Variants in PDLIM4 observed in about 807,000 individuals in gnomAD.
PDLIM4 encodes PDZ and LIM domain 4, also known as PDZ and LIM domain protein 4.
PDLIM4 carries 19 observed loss-of-function variants against 31.3 expected under a neutral mutation model. The observed-to-expected ratio is 0.61, with a 90% CI of 0.42 to 0.89. The LOEUF is 0.89. Among genes scored for constraint, PDLIM4 ranks in the 40% least tolerant of loss-of-function variants. PDLIM4 has a pLI of 0.00. For missense variants in PDLIM4, 442 were observed against 461.1 expected, an observed-to-expected ratio of 0.96 and a Z score of 0.38; for synonymous variants, 176 against 190.1, an observed-to-expected ratio of 0.93 and a Z score of 0.61.
Position 132,272,889 on chromosome 5 carries a change from C to T in PDLIM4, c.*660C>T, listed in dbSNP as rs1461287317. The T allele has an allele frequency of 2.0e-5, 3 of 152,594 alleles. No homozygotes were observed. The highest frequency in any genetic ancestry group is 7.2e-5 in the African/African-American group (3 of 41,418). The allele number at this position is 152,594 out of a possible 1,614,324, so 9.5% of individuals were successfully genotyped here. A position where few individuals can be genotyped will look rare whatever the true frequency, so the allele number is the denominator to read the frequency against. On this transcript the variant is annotated 3_prime_UTR_variant, in exon 7 of 7. Transcript: ENST00000253754. ...CGAGCACTTTATTCTCCTCCGAGAC[C>T]CCCTTTTCTTCCCCTTCCTCTCTCC... is the stretch of plus-strand genomic sequence containing the variant.
At chr5:132,268,096 G>T (rs1379161128) in intron 3 of PDLIM4, among the ~76,000 whole-genome samples, 1 of 152,174 alleles carries the variant, frequency 6.6e-6, no homozygotes, top group Non-Finnish European at 1.5e-5. Flanking sequence ...CTGTAGAGCA[G>T]CTCCCCCTGC....
intron 1 of PDLIM4, among the ~76,000 whole-genome samples, chr5:132,261,762 C>T (rs1756378158): frequency 6.6e-6 from 1 of 152,162 alleles, no homozygotes; most frequent in African/African-American, 2.4e-5. Flanking sequence ...GAGTTCCTGT[C>T]CTGCAGGGGA....
At chr5:132,265,406 C>T (rs549016509) in intron 2 of PDLIM4, among the ~76,000 whole-genome samples, 8 of 152,264 alleles carry the variant, frequency 5.3e-5, no homozygotes, top group African/African-American at 1.4e-4. Context: ...TTAGGGTACC[C>T]ACTTGGGAGC....
At position 132,271,326 on chromosome 5, in the gene PDLIM4, C is replaced by T. The variant is rs757289852; in HGVS notation, c.530C>T (p.Pro177Leu). 5.0e-6 allele frequency: 8 copies of T among 1,597,374 alleles called. No homozygotes were observed. Among genetic ancestry groups the T allele is most frequent in the South Asian group, 1.1e-5 (1 of 90,846 alleles). ...AGCGCTGACCCAGCCAGAGGCCTCC[C>T]GCGGAGCCGGGACTGCAGAGTCGAC... ...PPSADPARGLPRSRDCRVDLG... is the reference protein window; with the variant it reads ...PPSADPARGLLRSRDCRVDLG... Residue 177 changes from proline (P) to leucine (L), a missense_variant, in exon 5 of 7, where the codon CCG becomes CTG. Pro to Leu is a moderately conservative substitution (Grantham distance 98). Coordinates refer to ENST00000253754, the MANE Select transcript of PDLIM4 (RefSeq NM_003687.4).
chr5:132,272,149 C>T lies in PDLIM4; in HGVS notation c.913C>T (p.His305Tyr). 6.2e-7 allele frequency: 1 copy of T among 1,614,238 alleles called. No homozygotes were observed. The highest frequency in any genetic ancestry group is 2.2e-5 in the East Asian group (1 of 44,884). ...GGACGAGCGGCTCTACTGTGAGAGC[C>T]ACGCCAAGGCGCGCGTGAAGCCGCC... ...FLDERLYCES[H>Y]AKARVKPPEG... Residue 305 changes from histidine (H) to tyrosine (Y), a missense_variant, in exon 7 of 7, where the codon CAC becomes TAC. By Grantham distance (83) the His-to-Tyr change is moderately conservative (BLOSUM62 2). Coordinates refer to ENST00000253754, the MANE Select transcript of PDLIM4 (RefSeq NM_003687.4).
intron 3 of PDLIM4, chr5:132,270,558 G>T (rs1417040071): frequency 3.2e-6 from 1 of 310,218 alleles, no homozygotes; most frequent in African/African-American, 2.1e-5. Context: ...CTCTGCTGTA[G>T]CCACACAGAC....
chr5:132,263,677 T>C (rs932019), intron 2 of PDLIM4, among the ~76,000 whole-genome samples: 90,883 of 152,036 alleles, frequency 0.6, 27,852 homozygotes, highest in Non-Finnish European at 0.64. Flanking sequence ...GCTGAGGGGA[T>C]TTCCATGACC....
chr5:132,271,966 G>T (rs1002864280), intron 6 of PDLIM4, 58 bp downstream of exon 6: 15 of 1,593,356 alleles, frequency 9.4e-6, no homozygotes, highest in African/African-American at 1.3e-5. Flanking sequence ...CCCTGGATGC[G>T]GGCGCAGTCG....
rs941917547 is a variant in PDLIM4 at position 132,271,086 on chromosome 5, C to A, written c.499C>A (p.Pro167Thr). Residue 167 changes from proline (P) to threonine (T), a missense_variant, in exon 4 of 7, where the codon CCC becomes ACC. By Grantham distance (38) the Pro-to-Thr change is conservative (BLOSUM62 -1). Transcript: ENST00000253754. ...AQMSTLHVSP[P>T]PSADPARGLP... ...GATGAGCACCCTGCATGTGTCTCCA[C>A]CCCCCAGGTAGCACAGAGATGCCTT... The A allele has an allele frequency of 6.2e-7, 1 of 1,612,788 alleles. No homozygotes were observed. The highest frequency in any genetic ancestry group is 8.5e-7 in the Non-Finnish European group (1 of 1,178,920).
At position 132,271,777 on chromosome 5, in the gene PDLIM4, G is replaced by T; in HGVS notation, c.671-14G>T. The stretch of plus-strand genomic sequence containing the variant: ...TCCTCACCCCGTTCATGCCACCTAC[G>T]CTCCGGGTTTCAGGGGATTGGCCCG... On this transcript the variant is annotated splice_polypyrimidine_tract_variant and intron_variant, in intron 5 of 6. Transcript: ENST00000253754. The T allele has an allele frequency of 1.3e-6, 2 of 1,565,920 alleles. No individual in the cohort carries two copies. Among genetic ancestry groups the T allele is most frequent in the South Asian group, 1.1e-5 (1 of 90,170 alleles).
At chr5:132,263,354 G>A (rs547071893) in intron 2 of PDLIM4, among the ~76,000 whole-genome samples, 7 of 152,262 alleles carry the variant, frequency 4.6e-5, no homozygotes, top group South Asian at 2.1e-4. Flanking sequence ...TGTCGCCACC[G>A]TGGCCCACAC....
chr5:132,261,100 G>C (rs1226457362), intron 1 of PDLIM4, among the ~76,000 whole-genome samples: 1 of 152,198 alleles, frequency 6.6e-6, no homozygotes, highest in East Asian at 1.9e-4. Context: ...AGGGGTTGCT[G>C]TGAGCTAGTT....
intron 2 of PDLIM4, among the ~76,000 whole-genome samples, chr5:132,265,382 G>C (rs1192874422): frequency 6.6e-6 from 1 of 152,196 alleles, no homozygotes; most frequent in Non-Finnish European, 1.5e-5. Flanking sequence ...AGAGGCCACA[G>C]TTAGAGCTGT....
chr5:132,258,455 C>G (rs1756293906), intron 1 of PDLIM4, among the ~76,000 whole-genome samples: 1 of 152,224 alleles, frequency 6.6e-6, no homozygotes, highest in Middle Eastern at 3.2e-3. Context: ...GACACAAAGC[C>G]GGGGGCCAGG....
Position 132,262,613 on chromosome 5 carries a change from A to G in PDLIM4, c.98A>G (p.His33Arg), listed in dbSNP as rs1470880348. 1 of 1,607,078 alleles carries G rather than the reference A, an allele frequency of 6.2e-7. No homozygotes were observed. The highest frequency in any genetic ancestry group is 1.1e-5 in the South Asian group (1 of 89,720). The stretch of plus-strand genomic sequence containing the variant: ...ATCTGGCTTGTCTGCTCGCAGGTCC[A>G]TGCTGGCAGCAAGGCTGCATTGGCT... The part of the protein sequence containing the change: ...FSAPLTISRV[H>R]AGSKAALAAL... Residue 33 changes from histidine to arginine, a missense_variant, in exon 2 of 7, where the codon CAT (histidine) becomes CGT (arginine). His to Arg is a conservative substitution (Grantham distance 29). Transcript: ENST00000253754.
chr5:132,270,779 C>T, intron 3 of PDLIM4, 136 bp from the exon 4 acceptor site: 1 of 759,718 alleles, frequency 1.3e-6, no homozygotes, highest in South Asian at 1.6e-5. Context: ...CTGAGCACCA[C>T]AGGCCAGAGA....
intron 3 of PDLIM4, 84 bp from the exon 4 acceptor site, chr5:132,270,831 C>T (rs1756590968): frequency 1.6e-6 from 2 of 1,247,750 alleles, no homozygotes; most frequent in South Asian, 2.5e-5. Flanking sequence ...CCACCTGGCA[C>T]AGCACAGCAG....
chr5:132,272,369 T>G lies in PDLIM4; in HGVS notation c.*140T>G. On this transcript the variant is annotated 3_prime_UTR_variant, in exon 7 of 7. Transcript: ENST00000253754. Reference sequence around the variant, plus strand: ...GCCTGCCACCCTCCTGCGCAGGCCATGCATGGCTCCCGAGTACAGTAGTAT... The same window carrying G: ...GCCTGCCACCCTCCTGCGCAGGCCAGGCATGGCTCCCGAGTACAGTAGTAT... 1.4e-6 allele frequency: 1 copy of G among 701,452 alleles called. No homozygotes were observed. The highest frequency in any genetic ancestry group is 2.5e-6 in the Non-Finnish European group (1 of 399,028). The allele number at this position is 701,452 out of a possible 1,614,324, so 43.5% of individuals were successfully genotyped here.
intron 1 of PDLIM4, among the ~76,000 whole-genome samples, chr5:132,260,295 T>C (rs944841864): frequency 3.9e-5 from 6 of 152,216 alleles, no homozygotes; most frequent in Admixed American, 6.5e-5. Context: ...TTCCTGTCTC[T>C]GTTCCTTCTT....
Sources: gnomAD v4.1 joint callset for allele counts (sites outside exome capture counted in the v4.1 genomes callset) on GRCh38, gnomAD v4.1.1 for gene constraint, MANE v1.5 for transcripts, NCBI Gene and HGNC (gene_info 2026-07-23, HGNC 2026-07-21) for gene names.